The following PUSL1 variants were observed in gnomAD, a reference collection of about 807,000 sequenced individuals.
The protein encoded by PUSL1 is pseudouridine synthase like 1.
Under a neutral mutation model 30.7 loss-of-function variants are expected in PUSL1, and 51 were observed. That is an observed-to-expected ratio of 1.66 (90% CI 1.33 to 2.10). The LOEUF (loss-of-function observed/expected upper bound fraction) is 2.10. PUSL1 is among the 30% of genes most tolerant of loss of function. The pLI, the probability that PUSL1 is intolerant of heterozygous loss-of-function variation, is 0.00. For missense variants in PUSL1, 609 were observed against 427.6 expected (o/e 1.42, Z -3.74); for synonymous variants, 290 against 192.1 (o/e 1.51, Z -4.21).
intron 5 of PUSL1, chr1:1,310,113 T>C (rs1320609927): frequency 4.0e-6 from 2 of 496,758 alleles, no homozygotes; most frequent in Admixed American, 3.8e-5. Context: ...TGTTGGCAGC[T>C]ACTGGAAAGG....
chr1:1,309,995 G>A (rs1376496044), intron 5 of PUSL1, 144 bp downstream of exon 5: 16 of 610,712 alleles, frequency 2.6e-5, no homozygotes, highest in African/African-American at 1.3e-4. Flanking sequence ...GAGGGGATTC[G>A]CCCGGACGCC....
chr1:1,310,717 G>A (rs757223778), intron 6 of PUSL1, 29 bp downstream of exon 6: 1 of 1,611,050 alleles, frequency 6.2e-7, no homozygotes, highest in South Asian at 1.1e-5. Flanking sequence ...CCGTCCCCAG[G>A]GGGTGGGGCT....
Position 1,308,905 on chromosome 1 carries a change from C to A in PUSL1, c.78-10C>A. 1 of 1,414,152 alleles carries A rather than the reference C, an allele frequency of 7.1e-7. No individual in the cohort carries two copies. Among genetic ancestry groups the A allele is most frequent in the Non-Finnish European group, 9.2e-7 (1 of 1,085,758 alleles). 87.6% of individuals were successfully genotyped at this position (1,414,152 alleles called of 1,614,324 possible). On this transcript the variant is annotated splice_polypyrimidine_tract_variant and intron_variant, in intron 1 of 7. Transcript: ENST00000379031. ...CGCCCCCGGTAACCTCCGCCCGCTTCTGCCCGCAGCGGGGTCGCGGCCGTC... is the reference window on the plus strand; with the variant it reads ...CGCCCCCGGTAACCTCCGCCCGCTTATGCCCGCAGCGGGGTCGCGGCCGTC...
In PUSL1 at chr1:1,309,821, C is replaced by T. The variant is rs757928080; in HGVS notation, c.614C>T (p.Ala205Val). ...CGGGTCTCCGTTTCCCCAGGCCAAG[C>T]CAGCCCCTTGGTCACCCCCGAGGAG... Reference protein sequence around the residue: ...LRRVSVSPGQASPLVTPEESR... With the variant: ...LRRVSVSPGQVSPLVTPEESR... Residue 205 changes from alanine to valine, a missense_variant, in exon 5 of 8, where the codon GCC (alanine) becomes GTC (valine). Coordinates refer to ENST00000379031, the MANE Select transcript of PUSL1 (RefSeq NM_153339.3). 1.3e-6 allele frequency: 2 copies of T among 1,546,454 alleles called. No individual in the cohort carries two copies. Among genetic ancestry groups the T allele is most frequent in the Admixed American group, 3.9e-5 (2 of 50,886 alleles).
chr1:1,311,018 G>A lies in PUSL1; in HGVS notation c.809G>A (p.Arg270His), dbSNP rs778545872. 1.1e-5 allele frequency: 17 copies of A among 1,612,570 alleles called. No homozygotes were observed. The highest frequency in any genetic ancestry group is 8.9e-5 in the East Asian group (4 of 44,892). ...SQDPLGKHQT[R>H]VAPAHGLFLK... ...GATCCCCTGGGCAAGCACCAGACAC[G>A]TGTAGCCCCAGCCCACGGCTTATTC... Residue 270 changes from arginine (R) to histidine (H), a missense_variant, in exon 7 of 8, where the codon CGT becomes CAT. Physicochemically the swap from Arg to His is conservative, Grantham distance 29. Coordinates refer to ENST00000379031, the MANE Select transcript of PUSL1 (RefSeq NM_153339.3).
intron 7 of PUSL1, 23 bp from the exon 8 acceptor site, chr1:1,311,307 C>T (rs763696365): frequency 2.0e-5 from 31 of 1,533,552 alleles, no homozygotes; most frequent in East Asian, 1.4e-4. Context: ...CCCAGGCTGA[C>T]GCAGGGTCTG....
Position 1,311,502 on chromosome 1 carries a change from C to A in PUSL1, c.*123C>A. The A allele has an allele frequency of 9.4e-7, 1 of 1,060,978 alleles. No individual in the cohort carries two copies. The allele number at this position is 1,060,978 out of a possible 1,614,324, so 65.7% of individuals were successfully genotyped here. ...CCTGGTCTCCACAGTAGCCTCCCTG[C>A]CCGGGTCCCAGCACCCTGGATGCCC... On this transcript the variant is annotated 3_prime_UTR_variant, in exon 8 of 8. Transcript: ENST00000379031.
Position 1,309,774 on chromosome 1 carries a change from G to T in PUSL1, c.567G>T (p.Pro189=). 1.3e-6 allele frequency: 2 copies of T among 1,570,428 alleles called. No individual in the cohort carries two copies. Among genetic ancestry groups the T allele is most frequent in the Non-Finnish European group, 1.7e-6 (2 of 1,158,160 alleles). The change falls in exon 5 of 8, where the codon CCG becomes CCT. Residue 189 remains proline (P), a synonymous_variant. Transcript: ENST00000379031. ...SAFQSAGSPV[P]SPVRTLRRVS... is the part of the protein sequence containing the mutation. The stretch of plus-strand genomic sequence containing the variant: ...TCCAGTCCGCTGGCAGCCCGGTGCC[G>T]AGCCCCGTGCGAACGCTGCGCCGGG...
chr1:1,311,093 A>AGC, intron 7 of PUSL1, 22 bp downstream of exon 7: 1 of 1,582,378 alleles, frequency 6.3e-7, no homozygotes, highest in Non-Finnish European at 8.6e-7. Flanking sequence ...AGGCACGAGA[A>AGC]GCTCCTGTCA....
Position 1,309,446 on chromosome 1 carries a change from C to T in PUSL1, c.324-8C>T, listed in dbSNP as rs942743596. 5.0e-5 allele frequency: 79 copies of T among 1,590,532 alleles called. No individual in the cohort carries two copies. The highest frequency in any genetic ancestry group is 6.4e-5 in the Non-Finnish European group (75 of 1,168,360). ...CGTTCCTCCGGTGAGCTTTACCTGC[C>T]GCCATAGGGTCCTGCGGGCCTTCCG... On this transcript the variant is annotated splice_region_variant and splice_polypyrimidine_tract_variant and intron_variant, in intron 3 of 7. Coordinates refer to ENST00000379031, the MANE Select transcript of PUSL1 (RefSeq NM_153339.3).
rs568827321 is a variant in PUSL1 at position 1,309,243 on chromosome 1, T to C, written c.293T>C (p.Leu98Pro). ...CCGCCCGAGGTCCTGGCCGAGGCCCTCAACACACACCTGCGGCACCCGGCC... is the reference window on the plus strand; with the variant it reads ...CCGCCCGAGGTCCTGGCCGAGGCCCCCAACACACACCTGCGGCACCCGGCC... ...PFPPEVLAEA[L>P]NTHLRHPAIR... Residue 98 changes from leucine (L) to proline (P), a missense_variant, in exon 3 of 8, where the codon CTC (leucine) becomes CCC (proline). Coordinates refer to ENST00000379031, the MANE Select transcript of PUSL1 (RefSeq NM_153339.3). The C allele has an allele frequency of 2.0e-6, 3 of 1,509,348 alleles. No homozygotes were observed. The highest frequency in any genetic ancestry group is 1.3e-5 in the South Asian group (1 of 77,496). 93.5% of individuals were successfully genotyped at this position (1,509,348 alleles called of 1,614,324 possible). A position where few individuals can be genotyped will look rare whatever the true frequency, so the allele number is the denominator to read the frequency against.
Position 1,309,618 on chromosome 1 carries a change from G to A in PUSL1, c.473+15G>A. 2 of 1,599,962 alleles carry A rather than the reference G, an allele frequency of 1.3e-6. No homozygotes were observed. The highest frequency in any genetic ancestry group is 2.3e-5 in the East Asian group (1 of 44,422). On this transcript the variant is annotated intron_variant, in intron 4 of 7. Coordinates refer to ENST00000379031, the MANE Select transcript of PUSL1 (RefSeq NM_153339.3). Reference sequence around the variant, plus strand: ...CTCCCGGCAGAGTGAGTGTGGCCCTGACAGCGGGGAGGGGGCGGGCAGGCC... The same window carrying A: ...CTCCCGGCAGAGTGAGTGTGGCCCTAACAGCGGGGAGGGGGCGGGCAGGCC...
At position 1,309,213 on chromosome 1, in the gene PUSL1, C is replaced by T; in HGVS notation, c.263C>T (p.Pro88Leu). The change falls in exon 3 of 8, where the codon CCC becomes CTC. Residue 88 changes from proline to leucine, a missense_variant. Transcript: ENST00000379031. ...GTCCAGCGCCGCTCAGGCCGGCCGC[C>T]CTTCCCGCCCGAGGTCCTGGCCGAG... is the stretch of plus-strand genomic sequence containing the variant. ...LDVQRRSGRP[P>L]FPPEVLAEAL... 4 of 1,522,920 alleles carry T rather than the reference C, an allele frequency of 2.6e-6. No individual in the cohort carries two copies. The highest frequency in any genetic ancestry group is 1.2e-5 in the South Asian group (1 of 80,240). The allele number at this position is 1,522,920 out of a possible 1,614,324, so 94.3% of individuals were successfully genotyped here.
rs749429400 is a variant in PUSL1 at position 1,309,604 on chromosome 1, G to A, written c.473+1G>A. 6 of 1,609,486 alleles carry A rather than the reference G, an allele frequency of 3.7e-6. No homozygotes were observed. Among genetic ancestry groups the A allele is most frequent in the Non-Finnish European group, 5.1e-6 (6 of 1,177,722 alleles). Reference sequence around the variant, plus strand: ...ACCTATGCTGGACTCTCCCGGCAGAGTGAGTGTGGCCCTGACAGCGGGGAG... The same window carrying A: ...ACCTATGCTGGACTCTCCCGGCAGAATGAGTGTGGCCCTGACAGCGGGGAG... On this transcript the variant is annotated splice_donor_variant, in intron 4 of 7. Transcript: ENST00000379031. LOFTEE classifies it high-confidence loss of function.
At position 1,309,687 on chromosome 1, in the gene PUSL1, G is replaced by T; in HGVS notation, c.480G>T (p.Leu160=). The T allele has an allele frequency of 6.3e-7, 1 of 1,595,722 alleles. No homozygotes were observed. Among genetic ancestry groups the T allele is most frequent in the Middle Eastern group, 1.7e-4 (1 of 6,008 alleles). The part of the protein sequence containing the change: ...NLCWTLPADC[L]DMVAMQEAAQ... ...GTCACCCTGGTCCCTGAAGCTGCCT[G>T]GATATGGTCGCCATGCAGGAAGCCG... The change falls in exon 5 of 8, where the codon CTG becomes CTT. Residue 160 remains leucine (L), a synonymous_variant. Transcript: ENST00000379031.
At position 1,309,939 on chromosome 1, in the gene PUSL1, G is replaced by A. The variant is rs41285822; in HGVS notation, c.644+88G>A. 808 of 1,117,730 alleles carry A rather than the reference G, an allele frequency of 7.2e-4. 1 individual carries two copies. The highest frequency in any genetic ancestry group is 9.1e-4 in the Non-Finnish European group (732 of 800,554). The allele number at this position is 1,117,730 out of a possible 1,614,324, so 69.2% of individuals were successfully genotyped here. On this transcript the variant is annotated intron_variant, in intron 5 of 7. Transcript: ENST00000379031. ...ACCTCCCCCAGTTTTAAGGCAAGGT[G>A]AGGCGGGAGGCAGGCAGCCGGGAGT...
rs534291589 is a variant in PUSL1 at position 1,309,284 on chromosome 1, G to A, written c.323+11G>A. The A allele has an allele frequency of 2.0e-6, 3 of 1,472,892 alleles. No homozygotes were observed. Among genetic ancestry groups the A allele is most frequent in the Non-Finnish European group, 9.0e-7 (1 of 1,113,786 alleles). 91.2% of individuals were successfully genotyped at this position (1,472,892 alleles called of 1,614,324 possible). Reference sequence around the variant, plus strand: ...GCACCCGGCCATCAGGTGAGCCCGCGACCTAAGCAGCCCTGGGGCTGTGCC... The same window carrying A: ...GCACCCGGCCATCAGGTGAGCCCGCAACCTAAGCAGCCCTGGGGCTGTGCC... On this transcript the variant is annotated intron_variant, in intron 3 of 7. Coordinates refer to ENST00000379031, the MANE Select transcript of PUSL1 (RefSeq NM_153339.3).
Position 1,311,351 on chromosome 1 carries a change from A to C in PUSL1, c.884A>C (p.Gln295Pro), listed in dbSNP as rs769904575. The part of the protein sequence containing the change: ...GNLGAASCTL[Q>P]GPQFGSHG ...ACAGGTGCTGCCTCCTGCACCCTGCAGGGGCCACAGTTCGGGAGCCACGGA... is the reference window on the plus strand; with the variant it reads ...ACAGGTGCTGCCTCCTGCACCCTGCCGGGGCCACAGTTCGGGAGCCACGGA... The change falls in exon 8 of 8, where the codon CAG becomes CCG. Residue 295 changes from glutamine to proline, a missense_variant. Transcript: ENST00000379031. 22 of 1,593,480 alleles carry C rather than the reference A, an allele frequency of 1.4e-5. No homozygotes were observed. The highest frequency in any genetic ancestry group is 3.4e-6 in the Non-Finnish European group (4 of 1,168,236).
chr1:1,308,657 C>T lies in PUSL1; in HGVS notation c.14C>T (p.Pro5Leu). 1.3e-6 allele frequency: 2 copies of T among 1,533,518 alleles called. No homozygotes were observed. The highest frequency in any genetic ancestry group is 2.1e-4 in the Middle Eastern group (1 of 4,714). The allele number at this position is 1,533,518 out of a possible 1,614,324, so 95.0% of individuals were successfully genotyped here. Residue 5 changes from proline (P) to leucine (L), a missense_variant, in exon 1 of 8, where the codon CCG becomes CTG. By Grantham distance (98) the Pro-to-Leu change is moderately conservative. Transcript: ENST00000379031. MSSA[P>L]ASGSVRARYL... ...CTGGGCTCCGCCATGAGTTCGGCGC[C>T]GGCCTCAGGCTCCGTGCGCGCGCGC...
Sources: allele counts gnomAD v4.1 joint callset, GRCh38; gene constraint gnomAD v4.1.1; transcripts MANE v1.5; gene names NCBI Gene and HGNC (gene_info 2026-07-23, HGNC 2026-07-21).